Variants in PRKN observed in about 807,000 individuals in gnomAD.
PRKN encodes the protein parkin RBR E3 ubiquitin protein ligase, also known as E3 ubiquitin-protein ligase parkin.
In PRKN, 56 loss-of-function variants were observed where a neutral mutation model predicts 59.5. The ratio of observed to expected loss-of-function variants is 0.94; its 90% CI spans 0.76 to 1.18. The LOEUF is 1.18. Ranked by LOEUF, PRKN falls within the 50% of genes most tolerant of loss-of-function variation. The probability of loss-of-function intolerance (pLI) is 0.00; values close to 1 mark genes in which losing one functional copy is unlikely to be tolerated. For synonymous variants in PRKN, 250 were observed against 222.1 expected (o/e 1.13, Z -1.12); for missense variants, 657 against 596.4 (o/e 1.10, Z -1.06).
chr6:162,229,686 G>T (rs947823185), intron 3 of PRKN, among the ~76,000 whole-genome samples: 7 of 151,862 alleles, frequency 4.6e-5, no homozygotes, highest in African/African-American at 1.7e-4. Flanking sequence ...CTTGGCACTT[G>T]CCATTCCCTC....
rs190661190 is a variant in PRKN at position 161,450,840 on chromosome 6, C to A, written c.1084-63963G>T. 1.8e-3 allele frequency among the ~76,000 whole-genome samples: 275 copies of A among 152,306 alleles called. 3 individuals carry two copies. Among genetic ancestry groups the A allele is most frequent in the African/African-American group, 6.5e-3 (269 of 41,570 alleles). ...AAAGTGCTGGGATTACAGGCGTGAG[C>A]CACCATGCCCGGCTTGTTTTCTTAA... On this transcript the variant is annotated intron_variant, in intron 9 of 11. Coordinates refer to ENST00000366898, the MANE Select transcript of PRKN (RefSeq NM_004562.3).
At position 161,785,876 on chromosome 6, in the gene PRKN, C is replaced by T. The variant is rs1233588284; in HGVS notation, c.767G>A (p.Arg256His). 1.2e-5 allele frequency: 20 copies of T among 1,614,046 alleles called. No individual in the cohort carries two copies. The highest frequency in any genetic ancestry group is 1.1e-4 in the East Asian group (5 of 44,866). Residue 256 changes from arginine to histidine, a missense_variant, in exon 7 of 12, where the codon CGC becomes CAC. Coordinates refer to ENST00000366898, the MANE Select transcript of PRKN (RefSeq NM_004562.3). ...GAAACAGTCTAAGCAAATCACGTGG[C>T]GGGAGTTGCACTGGAAAACCAGGAC... ...SPVLVFQCNSRHVICLDCFHL... is the reference protein window; with the variant it reads ...SPVLVFQCNSHHVICLDCFHL...
rs1554259404 is a variant in PRKN, at chr6:162,002,992, A to G, written c.619-29575T>C. Among the ~76,000 whole-genome samples, 10 of 151,940 alleles carry G rather than the reference A, an allele frequency of 6.6e-5. 1 individual carries two copies. Among genetic ancestry groups the G allele is most frequent in the Non-Finnish European group, 1.5e-4 (10 of 67,984 alleles). On this transcript the variant is annotated intron_variant, in intron 5 of 11. Transcript: ENST00000366898. ...CGAGAGCAAATATTCTATGATTTCT[A>G]TTCTTTTAAATTTGTAAAGGTGGCT...
intron 3 of PRKN, among the ~76,000 whole-genome samples, chr6:162,229,929 G>A (rs927362901): frequency 2.1e-4 from 32 of 152,170 alleles, no homozygotes; most frequent in African/African-American, 6.8e-4. Flanking sequence ...TCAGCTCCAT[G>A]AGGCTAGGAA....
Position 161,460,672 on chromosome 6 carries a change from C to T in PRKN, c.1084-73795G>A, listed in dbSNP as rs1472959675. Among the ~76,000 whole-genome samples, 1 of 152,096 alleles carries T rather than the reference C, an allele frequency of 6.6e-6. No homozygotes were observed. Among genetic ancestry groups the T allele is most frequent in the Non-Finnish European group, 1.5e-5 (1 of 68,030 alleles). ...TGAGCATGACTTCCAGGGATGTCCA[C>T]AGCTGTGGCTTCTCCCAGGTATTTA... On this transcript the variant is annotated intron_variant, in intron 9 of 11. Coordinates refer to ENST00000366898, the MANE Select transcript of PRKN (RefSeq NM_004562.3). The surrounding 1 kb of genome is among the most constrained non-coding windows in gnomAD (Gnocchi z 5.0).
At chr6:161,577,589 T>C (rs147507712) in intron 7 of PRKN, among the ~76,000 whole-genome samples, 7 of 152,224 alleles carry the variant, frequency 4.6e-5, no homozygotes, top group Non-Finnish European at 1.0e-4. Flanking sequence ...CAGAATAAGC[T>C]GAAAGAAGCC....
chr6:162,608,681 C>T (rs1782017115), intron 1 of PRKN, among the ~76,000 whole-genome samples: 2 of 152,170 alleles, frequency 1.3e-5, no homozygotes, highest in South Asian at 4.1e-4. Context: ...ACATTCATGA[C>T]TTGAAGGGAC....
At chr6:161,794,503 G>A (rs771113560) in intron 6 of PRKN, among the ~76,000 whole-genome samples, 11 of 152,148 alleles carry the variant, frequency 7.2e-5, no homozygotes, top group Non-Finnish European at 1.0e-4. Context: ...CTGTTCTAAA[G>A]AGGCTTCCAT....
intron 4 of PRKN, among the ~76,000 whole-genome samples, chr6:162,141,571 C>A (rs1360604367): frequency 1.3e-5 from 2 of 151,948 alleles, no homozygotes; most frequent in Admixed American, 6.6e-5. Context: ...TATTTTAAGA[C>A]AACATAAAAA....
intron 1 of PRKN, among the ~76,000 whole-genome samples, chr6:162,495,910 T>G (rs1456676783): frequency 5.9e-5 from 9 of 152,150 alleles, no homozygotes; most frequent in Non-Finnish European, 1.2e-4. Flanking sequence ...ACATATGATC[T>G]AGTCCCCTCC....
At chr6:162,281,090 A>G (rs1005608534) in intron 2 of PRKN, among the ~76,000 whole-genome samples, 2 of 152,156 alleles carry the variant, frequency 1.3e-5, no homozygotes, top group East Asian at 3.9e-4. Context: ...CATGGTGTAC[A>G]AAAAGGATGA....
intron 7 of PRKN, among the ~76,000 whole-genome samples, chr6:161,586,109 G>A (rs1467064414): frequency 6.6e-6 from 1 of 152,090 alleles, no homozygotes; most frequent in Non-Finnish European, 1.5e-5. Flanking sequence ...CTCAGCTCCT[G>A]GGAGCAATCC....
At chr6:161,707,578 C>T (rs1786557414) in intron 7 of PRKN, among the ~76,000 whole-genome samples, 1 of 152,164 alleles carries the variant, frequency 6.6e-6, no homozygotes, top group Non-Finnish European at 1.5e-5. Flanking sequence ...AAATGTCACA[C>T]TTTGAACAGC....
At chr6:162,102,148 C>A (rs1779996596) in intron 4 of PRKN, among the ~76,000 whole-genome samples, 1 of 152,158 alleles carries the variant, frequency 6.6e-6, no homozygotes, top group Non-Finnish European at 1.5e-5. Context: ...AGGTATTAAA[C>A]CCAGCTTGCA....
chr6:161,468,318 C>G lies in PRKN; in HGVS notation c.1083+80536G>C, dbSNP rs1790588253. On this transcript the variant is annotated intron_variant, in intron 9 of 11. Transcript: ENST00000366898. The surrounding 1 kb of genome is among the most constrained non-coding windows in gnomAD (Gnocchi z 5.9). ...CAAAAACAAAAAAAAAACAGCCAAA[C>G]CTAATCTTCAATCTGAAATAGTGTA... 1.3e-5 allele frequency among the ~76,000 whole-genome samples: 2 copies of G among 151,952 alleles called. No homozygotes were observed. The highest frequency in any genetic ancestry group is 6.6e-5 in the Admixed American group (1 of 15,252).
At chr6:162,210,047 G>A (rs1036738779) in intron 3 of PRKN, among the ~76,000 whole-genome samples, 37 of 151,434 alleles carry the variant, frequency 2.4e-4, no homozygotes, top group Non-Finnish European at 4.6e-4. Context: ...CATGGCATAT[G>A]TATATGTATC....
chr6:161,734,816 T>A (rs1787897827), intron 7 of PRKN, among the ~76,000 whole-genome samples: 1 of 152,132 alleles, frequency 6.6e-6, no homozygotes, highest in Non-Finnish European at 1.5e-5. Flanking sequence ...TTTTTCATAG[T>A]TTTACCAAGT....
At chr6:161,612,447 G>A (rs561585272) in intron 7 of PRKN, among the ~76,000 whole-genome samples, 12 of 152,182 alleles carry the variant, frequency 7.9e-5, no homozygotes, top group African/African-American at 2.2e-4. Flanking sequence ...TCAGCCAGGC[G>A]CGGTGGCTCA....
intron 7 of PRKN, among the ~76,000 whole-genome samples, chr6:161,629,323 C>G (rs537441155): frequency 3.3e-5 from 5 of 152,200 alleles, no homozygotes; most frequent in East Asian, 1.9e-4. Context: ...AACTGAGAAG[C>G]AAGGGAGGAG....
Sources: gnomAD v4.1 joint callset for allele counts (sites outside exome capture counted in the v4.1 genomes callset) on GRCh38, gnomAD v4.1.1 for gene constraint, Gnocchi (gnomAD v3.1) non-coding constraint, MANE v1.5 for transcripts, NCBI Gene and HGNC (gene_info 2026-07-23, HGNC 2026-07-21) for gene names.